The following LMBRD1 variants were observed in gnomAD, a reference collection of about 807,000 sequenced individuals.
LMBRD1 encodes the protein LMBR1 domain containing 1.
A neutral mutation model predicts 74.8 loss-of-function variants in LMBRD1; 64 were observed. The observed-to-expected ratio is 0.86, with a 90% CI of 0.70 to 1.05. The LOEUF is 1.05. Among genes scored for constraint, LMBRD1 ranks in the 50% least tolerant of loss-of-function variants. LMBRD1 has a pLI of 0.00. For missense variants in LMBRD1, 652 were observed against 645.9 expected (o/e 1.01, Z -0.10); for synonymous variants, 204 against 216.3 (o/e 0.94, Z 0.50).
intron 3 of LMBRD1, among the ~76,000 whole-genome samples, chr6:69,755,604 A>AAAG: frequency 6.6e-6 from 1 of 152,152 alleles, no homozygotes; most frequent in Admixed American, 6.5e-5. Context: ...AAAAAAAAAA[A>AAAG]AAATTGTTAA....
intron 3 of LMBRD1, among the ~76,000 whole-genome samples, chr6:69,767,607 T>C (rs1765497343): frequency 6.6e-6 from 1 of 151,954 alleles, no homozygotes; most frequent in African/African-American, 2.4e-5. Context: ...AATTATTTTA[T>C]AACCTATCAT....
chr6:69,704,907 G>GTTTGT (rs1766216586), intron 9 of LMBRD1, among the ~76,000 whole-genome samples: 1 of 137,310 alleles, frequency 7.3e-6, no homozygotes, highest in African/African-American at 2.7e-5. Flanking sequence ...TTGGACATTT[G>GTTTGT]TTTTTTTTTT....
At chr6:69,756,988 G>C (rs1300450145) in intron 3 of LMBRD1, among the ~76,000 whole-genome samples, 1 of 152,074 alleles carries the variant, frequency 6.6e-6, no homozygotes, top group Non-Finnish European at 1.5e-5. Flanking sequence ...AGCAATATTA[G>C]GTCTGCTGCA....
At chr6:69,721,084 T>C (rs1334759849) in intron 7 of LMBRD1, among the ~76,000 whole-genome samples, 1 of 152,184 alleles carries the variant, frequency 6.6e-6, no homozygotes, top group African/African-American at 2.4e-5. Context: ...CTCATCCCAG[T>C]GGTTGGAACT....
At chr6:69,743,392 T>C (rs572232633) in intron 5 of LMBRD1, among the ~76,000 whole-genome samples, 7 of 152,298 alleles carry the variant, frequency 4.6e-5, no homozygotes, top group Non-Finnish European at 8.8e-5. Context: ...ATCAAAGATA[T>C]TGTACAGAAA....
At chr6:69,777,561 T>G (rs749627878) in intron 3 of LMBRD1, among the ~76,000 whole-genome samples, 33 of 152,010 alleles carry the variant, frequency 2.2e-4, no homozygotes, top group Non-Finnish European at 1.0e-4. Flanking sequence ...GGCAGCTCAC[T>G]TAACAGTAAG....
chr6:69,765,311 C>A (rs1244262398), intron 3 of LMBRD1, among the ~76,000 whole-genome samples: 2 of 151,346 alleles, frequency 1.3e-5, no homozygotes, highest in Non-Finnish European at 2.9e-5. Flanking sequence ...AGGTAAGGCT[C>A]AAAAAAAATC....
intron 13 of LMBRD1, among the ~76,000 whole-genome samples, chr6:69,698,469 A>T (rs965883296): frequency 6.6e-6 from 1 of 152,002 alleles, no homozygotes; most frequent in Non-Finnish European, 1.5e-5. Context: ...AAAACTAAAC[A>T]AAGTTTGAAT....
chr6:69,695,019 C>T (rs28434733), intron 14 of LMBRD1, among the ~76,000 whole-genome samples: 12,201 of 152,110 alleles, frequency 0.08, 650 homozygotes, highest in Admixed American at 0.15. Context: ...TTCTTGCCTA[C>T]CCTCAGATGT....
intron 14 of LMBRD1, among the ~76,000 whole-genome samples, chr6:69,686,406 G>GTA (rs1047527629): frequency 4.0e-5 from 6 of 151,860 alleles, no homozygotes; most frequent in Admixed American, 1.3e-4. Context: ...AACCTAATAG[G>GTA]TTACACTATT....
intron 12 of LMBRD1, 128 bp from the exon 13 acceptor site, chr6:69,699,320 C>T (rs775285186): frequency 6.3e-6 from 5 of 798,376 alleles, no homozygotes; most frequent in Non-Finnish European, 8.1e-6. Context: ...AAAGTAAATA[C>T]TAAAAGTTCT....
intron 9 of LMBRD1, among the ~76,000 whole-genome samples, chr6:69,707,852 T>C (rs547951146): frequency 1.4e-4 from 22 of 152,232 alleles, no homozygotes; most frequent in African/African-American, 4.3e-4. Context: ...AATAAATACA[T>C]TGTTTCCATT....
At chr6:69,705,889 C>T in intron 9 of LMBRD1, 1 of 1,343,906 alleles carries the variant, frequency 7.4e-7, no homozygotes, top group Non-Finnish European at 1.1e-6. Context: ...TATTTCAAAG[C>T]CCCTAAGGAA....
chr6:69,677,102 GACTC>G (rs1451396045), intron 14 of LMBRD1, among the ~76,000 whole-genome samples: 3 of 152,172 alleles, frequency 2.0e-5, no homozygotes, highest in Non-Finnish European at 4.4e-5. Context: ...CAGAAATGAA[GACTC>G]AAGGGAAAAC....
chr6:69,739,256 A>G (rs769246796), intron 6 of LMBRD1, among the ~76,000 whole-genome samples: 15 of 152,180 alleles, frequency 9.9e-5, no homozygotes, highest in Non-Finnish European at 1.8e-4. Flanking sequence ...CGAAATGTTA[A>G]TATTACTAAT....
intron 7 of LMBRD1, among the ~76,000 whole-genome samples, chr6:69,729,786 C>G (rs772474577): frequency 6.6e-6 from 1 of 151,948 alleles, no homozygotes; most frequent in East Asian, 1.9e-4. Context: ...AAGGTGCCAT[C>G]GTTTGGTTAC....
intron 14 of LMBRD1, among the ~76,000 whole-genome samples, chr6:69,676,871 T>C (rs1184280543): frequency 6.6e-6 from 1 of 151,990 alleles, no homozygotes; most frequent in Non-Finnish European, 1.5e-5. Flanking sequence ...GTCAGACATA[T>C]CATAAAACAA....
intron 6 of LMBRD1, among the ~76,000 whole-genome samples, 200 bp from the exon 7 acceptor site, chr6:69,738,215 A>G (rs928321699): frequency 5.9e-5 from 9 of 152,298 alleles, no homozygotes; most frequent in African/African-American, 2.2e-4. Flanking sequence ...TTTGTAAAAA[A>G]TCTTTCTGAC....
intron 1 of LMBRD1, among the ~76,000 whole-genome samples, chr6:69,793,221 T>G (rs936598018): frequency 6.6e-6 from 1 of 152,192 alleles, no homozygotes; most frequent in African/African-American, 2.4e-5. Context: ...TCCCAAAAGA[T>G]TCAAAATAAA....
Sources: gnomAD v4.1 joint callset for allele counts (sites outside exome capture counted in the v4.1 genomes callset) on GRCh38, gnomAD v4.1.1 for gene constraint, MANE v1.5 for transcripts, NCBI Gene and HGNC (gene_info 2026-07-23, HGNC 2026-07-21) for gene names.